The following PP2D1 variants were observed in gnomAD, a reference collection of about 807,000 sequenced individuals.
PP2D1 encodes protein phosphatase 2C like domain containing 1.
A neutral mutation model predicts 30.2 loss-of-function variants in PP2D1; 25 were observed. The observed-to-expected ratio is 0.83, with a 90% confidence interval of 0.60 to 1.16. The LOEUF is 1.16. PP2D1 is among the 50% of genes most tolerant of loss of function. The probability of loss-of-function intolerance (pLI) is 0.00; values close to 1 mark genes in which losing one functional copy is unlikely to be tolerated. For missense variants in PP2D1, 760 were observed against 742.4 expected, an observed-to-expected ratio of 1.02 and a Z score of -0.28; for synonymous variants, 260 against 258.9, an observed-to-expected ratio of 1.00 and a Z score of -0.04.
rs185479964 is a variant in PP2D1 at position 20,001,002 on chromosome 3, G to A, written c.1090+28C>T. 9.7e-5 allele frequency: 119 copies of A among 1,226,678 alleles called. No individual in the cohort carries two copies. The African/African-American group carries it at 1.6e-3, about 17-fold the overall frequency. The allele number at this position is 1,226,678 out of a possible 1,614,324, so 76.0% of individuals were successfully genotyped here. The stretch of plus-strand genomic sequence containing the variant: ...TGCAAGGAACCAAAAACATAAAGGT[G>A]TTATTTGGTGCTATTCAATGTACAT... On this transcript the variant is annotated intron_variant, in intron 2 of 2. Transcript: ENST00000389050.
downstream of PP2D1, chr3:19,985,333 G>A (rs1697011882): frequency 3.2e-6 from 4 of 1,267,456 alleles, no homozygotes; most frequent in Non-Finnish European, 4.3e-6. Flanking sequence ...GATCATTGAA[G>A]AATCACTTTA....
intron 2 of PP2D1, among the ~76,000 whole-genome samples, 166 bp from the exon 3 acceptor site, chr3:19,986,348 C>T (rs1264362761): frequency 6.6e-6 from 1 of 152,200 alleles, no homozygotes; most frequent in Non-Finnish European, 1.5e-5. Context: ...GAATGATTTA[C>T]AGTAAATACA....
chr3:19,993,788 G>C (rs551897993), intron 2 of PP2D1, among the ~76,000 whole-genome samples: 2 of 152,104 alleles, frequency 1.3e-5, no homozygotes, highest in Non-Finnish European at 2.9e-5. Context: ...CGCCCAGGCT[G>C]GAGTGCAGTA....
rs1697264448 is a variant in PP2D1, at chr3:20,002,096, T to A, written c.24A>T (p.Arg8Ser). ...TCCATTCTCTTGATTTCCAAAACAC[T>A]CTGCAAACAGGATGAAAGATATTTA... MSTNNALRVFWKSREWNM... is the reference protein window; with the variant it reads MSTNNALSVFWKSREWNM... Residue 8 changes from arginine to serine, a missense_variant and splice_region_variant, in exon 2 of 3, where the codon AGA becomes AGT. Physicochemically the swap from Arg to Ser is moderately radical, Grantham distance 110. Coordinates refer to ENST00000389050, the MANE Select transcript of PP2D1 (RefSeq NM_001252657.2). 6.6e-7 allele frequency: 1 copy of A among 1,518,740 alleles called. No homozygotes were observed. Among genetic ancestry groups the A allele is most frequent in the African/African-American group, 1.4e-5 (1 of 72,658 alleles). 94.1% of individuals were successfully genotyped at this position (1,518,740 alleles called of 1,614,324 possible).
chr3:19,998,341 A>G (rs1697209057), intron 2 of PP2D1, among the ~76,000 whole-genome samples: 1 of 152,190 alleles, frequency 6.6e-6, no homozygotes, highest in South Asian at 2.1e-4. Flanking sequence ...AAAAAAAAAA[A>G]AGGTGCAAAC....
intron 2 of PP2D1, among the ~76,000 whole-genome samples, chr3:19,986,562 T>C (rs1231612928): frequency 6.6e-6 from 1 of 152,246 alleles, no homozygotes; most frequent in African/African-American, 2.4e-5. Context: ...TTTAAATGTT[T>C]TTAAGATAAA....
intron 1 of PP2D1, among the ~76,000 whole-genome samples, chr3:20,010,925 G>A (rs1041458363): frequency 1.3e-5 from 2 of 152,146 alleles, no homozygotes; most frequent in African/African-American, 4.8e-5. Flanking sequence ...AAGCTATGAG[G>A]GAAAAAGTTT....
chr3:19,986,964 G>A (rs989226387), intron 2 of PP2D1, among the ~76,000 whole-genome samples: 2 of 151,698 alleles, frequency 1.3e-5, no homozygotes, highest in Non-Finnish European at 2.9e-5. Context: ...TTGAACCCGG[G>A]AGGTGGAGGT....
intron 1 of PP2D1, among the ~76,000 whole-genome samples, chr3:20,003,983 A>T (rs1465859394): frequency 6.6e-6 from 1 of 152,130 alleles, no homozygotes; most frequent in Non-Finnish European, 1.5e-5. Context: ...TTGAAGAAAA[A>T]ATAGTTTATA....
intron 1 of PP2D1, among the ~76,000 whole-genome samples, chr3:20,002,645 C>T (rs993944460): frequency 5.9e-5 from 9 of 152,188 alleles, no homozygotes; most frequent in African/African-American, 2.2e-4. Flanking sequence ...GAAGGCCAGG[C>T]ACGGTGGCTC....
rs570087801 is a variant in PP2D1, at chr3:20,012,014, A to G, written c.23+36T>C. Reference sequence around the variant, plus strand: ...CTGTAGATATAATTACTCATTGGCTATACGTATTATCCAAAAAAGATTTAA... The same window carrying G: ...CTGTAGATATAATTACTCATTGGCTGTACGTATTATCCAAAAAAGATTTAA... On this transcript the variant is annotated intron_variant, in intron 1 of 2. Transcript: ENST00000389050. 2.2e-4 allele frequency: 323 copies of G among 1,464,554 alleles called. 2 individuals carry two copies. The South Asian group carries it at 3.7e-3, about 17-fold the overall frequency. The allele number at this position is 1,464,554 out of a possible 1,614,324, so 90.7% of individuals were successfully genotyped here. A position where few individuals can be genotyped will look rare whatever the true frequency, so the allele number is the denominator to read the frequency against.
chr3:20,010,953 C>T (rs1236466564), intron 1 of PP2D1, among the ~76,000 whole-genome samples: 2 of 152,182 alleles, frequency 1.3e-5, no homozygotes, highest in South Asian at 2.1e-4. Flanking sequence ...TGTCCATATG[C>T]TCATCCAGGT....
intron 2 of PP2D1, among the ~76,000 whole-genome samples, chr3:19,994,295 A>T (rs1334604146): frequency 6.6e-6 from 1 of 152,234 alleles, no homozygotes; most frequent in Non-Finnish European, 1.5e-5. Flanking sequence ...AACTGGCTTG[A>T]CATTGTAGCT....
At chr3:20,008,581 C>T (rs1038545154) in intron 1 of PP2D1, among the ~76,000 whole-genome samples, 1 of 151,968 alleles carries the variant, frequency 6.6e-6, no homozygotes, top group Admixed American at 6.6e-5. Context: ...ACAAACAAGA[C>T]AACCAAACAA....
chr3:19,985,422 C>G lies in PP2D1; in HGVS notation c.1851G>C (p.Met617Ile). ...ATTCACTTCCATTGAGAAATATTAC[C>G]ATAACTGTAATGTTGTCTCTGGAGC... Reference protein sequence around the residue: ...LAGSRDNITVMVIFLNGSEYQ... With the variant: ...LAGSRDNITVIVIFLNGSEYQ... The change falls in exon 3 of 3, where the codon ATG becomes ATC. Residue 617 changes from methionine to isoleucine, a missense_variant. Coordinates refer to ENST00000389050, the MANE Select transcript of PP2D1 (RefSeq NM_001252657.2). 6.5e-7 allele frequency: 1 copy of G among 1,535,156 alleles called. No individual in the cohort carries two copies. The highest frequency in any genetic ancestry group is 8.7e-7 in the Non-Finnish European group (1 of 1,146,464).
chr3:19,982,743 C>T (rs1445938343), downstream of PP2D1, among the ~76,000 whole-genome samples: 1 of 145,092 alleles, frequency 6.9e-6, no homozygotes, highest in Admixed American at 6.9e-5. Context: ...TCCTGGGTGA[C>T]AGAGTGAGAC....
chr3:20,006,865 C>G (rs999267251), intron 1 of PP2D1, among the ~76,000 whole-genome samples: 13 of 151,842 alleles, frequency 8.6e-5, no homozygotes, highest in Non-Finnish European at 4.4e-5. Flanking sequence ...CAACCTCTGC[C>G]TCCTGTGTTC....
At chr3:19,985,209 T>A, downstream of PP2D1, 1 of 551,940 alleles carries the variant, frequency 1.8e-6, no homozygotes, top group Middle Eastern at 4.8e-4. Context: ...TTTTTTGGCA[T>A]AAAACAGTGA....
At chr3:19,999,129 G>C (rs1326455365) in intron 2 of PP2D1, among the ~76,000 whole-genome samples, 1 of 146,422 alleles carries the variant, frequency 6.8e-6, no homozygotes, top group Non-Finnish European at 1.5e-5. Flanking sequence ...TACCAGGCTG[G>C]AGTGCAGTGG....
Sources: gnomAD v4.1 joint callset for allele counts (sites outside exome capture counted in the v4.1 genomes callset) on GRCh38, gnomAD v4.1.1 for gene constraint, MANE v1.5 for transcripts, NCBI Gene and HGNC (gene_info 2026-07-23, HGNC 2026-07-21) for gene names.